C1QTNF1: variants seen among roughly 807,000 people sequenced by gnomAD.
C1QTNF1 encodes complement C1q tumor necrosis factor-related protein 1.
C1QTNF1 carries 22 observed loss-of-function variants against 27.8 expected under a neutral mutation model. The observed-to-expected ratio is 0.79, with a 90% CI of 0.56 to 1.13. The LOEUF (loss-of-function observed/expected upper bound fraction) is 1.13. Among genes scored for constraint, C1QTNF1 ranks in the 50% most tolerant of loss-of-function variants. The pLI is 0.00. For synonymous variants in C1QTNF1, 166 were observed against 154.3 expected (o/e 1.08, Z -0.56); for missense variants, 373 against 380.2 (o/e 0.98, Z 0.16).
At chr17:79,045,335 C>A (rs1490225264) in intron 2 of C1QTNF1, among the ~76,000 whole-genome samples, 1 of 152,050 alleles carries the variant, frequency 6.6e-6, no homozygotes, top group African/African-American at 2.4e-5. Context: ...AGCCTGGAGG[C>A]AGCTGGGTCT....
intron 1 of C1QTNF1, among the ~76,000 whole-genome samples, chr17:79,040,544 A>G (rs1748905406): frequency 6.6e-6 from 1 of 151,944 alleles, no homozygotes; most frequent in Non-Finnish European, 1.5e-5. Context: ...GGCGGGCAGG[A>G]TTTTATTGTC....
intron 1 of C1QTNF1, chr17:79,043,744 C>G (rs116527629): frequency 3.0e-6 from 2 of 668,350 alleles, no homozygotes; most frequent in Admixed American, 2.1e-5. Context: ...CGTGTGTGCA[C>G]GTGAGTGCGT....
chr17:79,032,779 C>A (rs548834700), intron 1 of C1QTNF1, among the ~76,000 whole-genome samples: 73 of 152,172 alleles, frequency 4.8e-4, no homozygotes, highest in Non-Finnish European at 8.7e-4. Flanking sequence ...AGCCTTAGGG[C>A]AGAGCAGCCT....
Position 79,042,420 on chromosome 17 carries a change from CAAGCTTTTGCCAAAAG to C in C1QTNF1, c.-14-1534_-14-1519del, listed in dbSNP as rs571944238. Among the ~76,000 whole-genome samples, 391 of 152,354 alleles carry C rather than the reference CAAGCTTTTGCCAAAAG, an allele frequency of 2.6e-3. 1 individual carries two copies. The highest frequency in any genetic ancestry group is 9.2e-3 in the African/African-American group (384 of 41,586). On this transcript the variant is annotated intron_variant, in intron 1 of 3. Transcript: ENST00000579760. ...ATACTGGATGGAGGGGGTCCTGCCC[CAAGCTTTTGCCAAAAG>C]CTCTGGGAGTGAGACGTGGGGTTGG...
intron 1 of C1QTNF1, among the ~76,000 whole-genome samples, chr17:79,028,932 C>G (rs975013740): frequency 6.6e-6 from 1 of 151,702 alleles, no homozygotes. Flanking sequence ...GCGGGTGTTC[C>G]TGGTGATCCT....
At chr17:79,032,261 G>C (rs537050360) in intron 1 of C1QTNF1, among the ~76,000 whole-genome samples, 1 of 152,148 alleles carries the variant, frequency 6.6e-6, no homozygotes, top group Admixed American at 6.5e-5. Flanking sequence ...GAGAATACAC[G>C]GATGGAGAAG....
chr17:79,043,012 T>C (rs1182150644), intron 1 of C1QTNF1, among the ~76,000 whole-genome samples: 1 of 152,046 alleles, frequency 6.6e-6, no homozygotes, highest in Non-Finnish European at 1.5e-5. Flanking sequence ...TATGCGAATG[T>C]GCATGTGTGT....
chr17:79,034,828 A>C (rs1328351484), intron 1 of C1QTNF1, among the ~76,000 whole-genome samples: 1 of 152,158 alleles, frequency 6.6e-6, no homozygotes, highest in African/African-American at 2.4e-5. Flanking sequence ...GGAGATTGAG[A>C]GAGGAGATAG....
At chr17:79,027,452 T>C (rs928835811) in intron 1 of C1QTNF1, 1 of 152,466 alleles carries the variant, frequency 6.6e-6, no homozygotes, top group South Asian at 2.1e-4. Flanking sequence ...TCAGGCTCTC[T>C]TGGGGCAGCC....
intron 1 of C1QTNF1, among the ~76,000 whole-genome samples, chr17:79,029,180 A>T (rs2145887958): frequency 1.3e-5 from 2 of 152,314 alleles, no homozygotes; most frequent in Middle Eastern, 6.8e-3. Context: ...TTCCACCTAT[A>T]AACAAGTAAG....
chr17:79,032,654 G>C (rs1383770069), intron 1 of C1QTNF1, among the ~76,000 whole-genome samples: 5 of 152,166 alleles, frequency 3.3e-5, no homozygotes, highest in Admixed American at 3.3e-4. Context: ...GCAGGCTTCT[G>C]GCCCGGGACC....
In C1QTNF1 at chr17:79,047,734, G is replaced by C; in HGVS notation, c.492G>C (p.Thr164=). The C allele has an allele frequency of 1.2e-6, 2 of 1,614,128 alleles. No homozygotes were observed. Among genetic ancestry groups the C allele is most frequent in the Non-Finnish European group, 1.7e-6 (2 of 1,180,022 alleles). Residue 164 remains threonine, a synonymous_variant, in exon 4 of 4, where the codon ACG becomes ACC. Transcript: ENST00000579760. The part of the protein sequence containing the change: ...KPMHSNHYYQ[T]VIFDTEFVNL... ...TGCACAGCAACCACTACTACCAGAC[G>C]GTGATCTTCGACACGGAGTTCGTGA... is the stretch of plus-strand genomic sequence containing the variant.
intron 1 of C1QTNF1, among the ~76,000 whole-genome samples, chr17:79,038,703 C>T (rs193103768): frequency 6.6e-6 from 1 of 152,322 alleles, no homozygotes; most frequent in Admixed American, 6.5e-5. Flanking sequence ...AACTGCCTAA[C>T]ACATTCTTCC....
At chr17:79,040,432 A>G (rs967323001) in intron 1 of C1QTNF1, among the ~76,000 whole-genome samples, 1 of 152,016 alleles carries the variant, frequency 6.6e-6, no homozygotes, top group Admixed American at 6.6e-5. Flanking sequence ...ACCCTGTATC[A>G]AAAAAGAAAA....
In C1QTNF1 at chr17:79,046,894, A is replaced by T; in HGVS notation, c.295+200A>T. Reference sequence around the variant, plus strand: ...GAGGCTCTGGCCCCTCTCCAAGAGGAGGGGTTGGAAAGGGGCCCACAGGAC... The same window carrying T: ...GAGGCTCTGGCCCCTCTCCAAGAGGTGGGGTTGGAAAGGGGCCCACAGGAC... On this transcript the variant is annotated intron_variant, in intron 3 of 3. Transcript: ENST00000579760. This position sits in a 1 kb window ranked among gnomAD's most constrained non-coding sequence, Gnocchi z 4.8. 1.4e-6 allele frequency: 1 copy of T among 703,874 alleles called. No homozygotes were observed. Among genetic ancestry groups the T allele is most frequent in the Non-Finnish European group, 2.3e-6 (1 of 442,236 alleles). 43.6% of individuals were successfully genotyped at this position (703,874 alleles called of 1,614,324 possible). A position where few individuals can be genotyped will look rare whatever the true frequency, so the allele number is the denominator to read the frequency against.
At chr17:79,030,505 C>T (rs1322163130) in intron 1 of C1QTNF1, among the ~76,000 whole-genome samples, 1 of 134,092 alleles carries the variant, frequency 7.5e-6, no homozygotes, top group African/African-American at 2.8e-5. Context: ...TTCTTTCTTT[C>T]TTTCTTTCTT....
chr17:79,043,267 A>G (rs1300735944), intron 1 of C1QTNF1: 3 of 445,108 alleles, frequency 6.7e-6, no homozygotes, highest in East Asian at 7.1e-5. Context: ...ATGTGTGTGC[A>G]TGTGTGTTGA....
chr17:79,047,089 C>T (rs1026216600), intron 3 of C1QTNF1: 17 of 247,552 alleles, frequency 6.9e-5, no homozygotes, highest in Admixed American at 2.5e-4. Context: ...TGCACAGCCC[C>T]GTGAAATCGA....
upstream of C1QTNF1, among the ~76,000 whole-genome samples, chr17:79,023,591 A>G (rs1179486666): frequency 1.3e-5 from 2 of 152,234 alleles, no homozygotes; most frequent in Non-Finnish European, 2.9e-5. Flanking sequence ...GCTGTTCTCT[A>G]GAAAATGGAA....
Sources: allele counts gnomAD v4.1 joint callset (sites outside exome capture counted in the v4.1 genomes callset), GRCh38; gene constraint gnomAD v4.1.1; non-coding constraint Gnocchi (gnomAD v3.1); transcripts MANE v1.5; gene names NCBI Gene and HGNC (gene_info 2026-07-23, HGNC 2026-07-21).